The following ADAM12 variants were observed in gnomAD, a reference collection of about 807,000 sequenced individuals.
The protein encoded by ADAM12 is disintegrin and metalloproteinase domain-containing protein 12.
Under a neutral mutation model 106.4 loss-of-function variants are expected in ADAM12, and 70 were observed. That is an observed-to-expected ratio of 0.66 (90% CI 0.54 to 0.80). ADAM12 has a LOEUF of 0.80. ADAM12 is among the 30% of genes least tolerant of loss of function. The pLI is 0.00. For missense variants in ADAM12, 1,010 were observed against 1,171.9 expected, an observed-to-expected ratio of 0.86 and a Z score of 2.02; for synonymous variants, 420 against 433.5, an observed-to-expected ratio of 0.97 and a Z score of 0.39.
Position 126,043,118 on chromosome 10 carries a change from C to A in ADAM12, c.2026G>T (p.Glu676Ter). 1 of 1,614,134 alleles carries A rather than the reference C, an allele frequency of 6.2e-7. No homozygotes were observed. The highest frequency in any genetic ancestry group is 8.5e-7 in the Non-Finnish European group (1 of 1,180,010). The change falls in exon 18 of 23, where the codon GAG becomes TAG. Residue 676 changes from glutamate (E) to a stop codon, truncating the protein, a stop_gained. Coordinates refer to ENST00000448723, the MANE Select transcript of ADAM12 (RefSeq NM_001288973.2). LOFTEE classifies it high-confidence loss of function. This position sits in a 1 kb window ranked among gnomAD's most constrained non-coding sequence, Gnocchi z 4.1. Reference protein sequence around the residue: ...VCNNRKNCHCEAHWAPPFCDK... With the variant: ...VCNNRKNCHC ...CAGAAGGGAGGTGCCCAGTGGGCCT[C>A]GCAGTGGCAGTTCTTCCTGTTGTTG...
intron 3 of ADAM12, among the ~76,000 whole-genome samples, chr10:126,186,082 T>G (rs1404362050): frequency 1.3e-5 from 2 of 152,186 alleles, no homozygotes; most frequent in Non-Finnish European, 2.9e-5. Context: ...GCCTGTCCTG[T>G]GTCCCCAAGG....
At chr10:126,263,858 G>C (rs150611335) in intron 3 of ADAM12, among the ~76,000 whole-genome samples, 1 of 152,074 alleles carries the variant, frequency 6.6e-6, no homozygotes, top group African/African-American at 2.4e-5. Flanking sequence ...GTAATTTATG[G>C]TCCAATATAA....
intron 3 of ADAM12, among the ~76,000 whole-genome samples, chr10:126,225,707 AC>A (rs1958180887): frequency 6.6e-6 from 1 of 152,186 alleles, no homozygotes; most frequent in Non-Finnish European, 1.5e-5. Flanking sequence ...TTCAGCACAA[AC>A]CATGTTCAGC....
chr10:126,087,156 C>G (rs1047322260), intron 11 of ADAM12, among the ~76,000 whole-genome samples: 1 of 152,106 alleles, frequency 6.6e-6, no homozygotes. Flanking sequence ...ATCAGCCTCC[C>G]GAGCTTGACC....
At chr10:126,318,399 T>C in intron 2 of ADAM12, among the ~76,000 whole-genome samples, 1 of 142,654 alleles carries the variant, frequency 7.0e-6, no homozygotes, top group East Asian at 2.2e-4. Context: ...CACTCTGTCA[T>C]ACACAAACAC....
At chr10:126,259,967 G>A (rs1033699545) in intron 3 of ADAM12, among the ~76,000 whole-genome samples, 4 of 152,206 alleles carry the variant, frequency 2.6e-5, no homozygotes, top group African/African-American at 9.7e-5. Flanking sequence ...CAGACCTCTT[G>A]AGTTCCGTCA....
chr10:126,305,774 T>G (rs1288659129), intron 2 of ADAM12, among the ~76,000 whole-genome samples: 1 of 152,038 alleles, frequency 6.6e-6, no homozygotes, highest in Non-Finnish European at 1.5e-5. Context: ...TGATACTGAG[T>G]AGAATTATGA....
At chr10:126,176,270 C>T (rs1458234402) in intron 3 of ADAM12, among the ~76,000 whole-genome samples, 1 of 152,214 alleles carries the variant, frequency 6.6e-6, no homozygotes, top group Non-Finnish European at 1.5e-5. Flanking sequence ...GGTCCTGCGG[C>T]CTTTGGCTCA....
At chr10:126,124,909 A>C (rs1206184024) in intron 5 of ADAM12, among the ~76,000 whole-genome samples, 1 of 150,852 alleles carries the variant, frequency 6.6e-6, no homozygotes, top group Non-Finnish European at 1.5e-5. Flanking sequence ...AAAAAAAAAA[A>C]AAGAAAAAGA....
intron 3 of ADAM12, among the ~76,000 whole-genome samples, chr10:126,213,760 A>G (rs563563606): frequency 3.9e-5 from 6 of 152,370 alleles, no homozygotes; most frequent in Non-Finnish European, 8.8e-5. Flanking sequence ...AGACTGAAGC[A>G]CCAAGCAGGT....
At chr10:126,140,712 T>C (rs142685798) in intron 4 of ADAM12, among the ~76,000 whole-genome samples, 1 of 152,340 alleles carries the variant, frequency 6.6e-6, no homozygotes, top group East Asian at 1.9e-4. Context: ...TGAAATTTAA[T>C]TTTTTTCAAT....
chr10:126,066,333 G>C lies in ADAM12; in HGVS notation c.1413+384C>G, dbSNP rs957496672. On this transcript the variant is annotated intron_variant, in intron 13 of 22. Transcript: ENST00000448723. This position sits in a 1 kb window ranked among gnomAD's most constrained non-coding sequence, Gnocchi z 5.1. ...AGCAGGCAGATGTCCGCGGGATCAAGAAGATGAACCTGGGGGAACCTGAGT... is the reference window on the plus strand; with the variant it reads ...AGCAGGCAGATGTCCGCGGGATCAACAAGATGAACCTGGGGGAACCTGAGT... Among the ~76,000 whole-genome samples, 1 of 152,232 alleles carries C rather than the reference G, an allele frequency of 6.6e-6. No individual in the cohort carries two copies. Among genetic ancestry groups the C allele is most frequent in the African/African-American group, 2.4e-5 (1 of 41,462 alleles).
At chr10:126,046,227 G>C in intron 16 of ADAM12, 95 bp from the exon 17 acceptor site, 1 of 1,185,186 alleles carries the variant, frequency 8.4e-7, no homozygotes, top group South Asian at 1.2e-5. Context: ...GCAAGCAAAA[G>C]AAAGCTTGGA....
intron 21 of ADAM12, among the ~76,000 whole-genome samples, chr10:126,025,262 G>A (rs182551914): frequency 2.6e-4 from 40 of 152,262 alleles, no homozygotes; most frequent in Middle Eastern, 3.4e-3. Flanking sequence ...TGAGCTGAAG[G>A]AGCATGTGGT....
chr10:126,083,777 G>A (rs1955281505), intron 11 of ADAM12, among the ~76,000 whole-genome samples: 1 of 152,198 alleles, frequency 6.6e-6, no homozygotes, highest in African/African-American at 2.4e-5. Context: ...ATGGGAGAGG[G>A]AGCTGGGCCT....
rs780265334 is a variant in ADAM12 at position 126,064,244 on chromosome 10, G to T, written c.1609+562C>A. Among the ~76,000 whole-genome samples the T allele has an allele frequency of 6.6e-6, 1 of 152,142 alleles. No individual in the cohort carries two copies. Among genetic ancestry groups the T allele is most frequent in the Non-Finnish European group, 1.5e-5 (1 of 68,016 alleles). On this transcript the variant is annotated intron_variant, in intron 14 of 22. Transcript: ENST00000448723. This position sits in a 1 kb window ranked among gnomAD's most constrained non-coding sequence, Gnocchi z 4.4. ...GAGAGCCACTCACTGCTGCTCTCAGGCCTTCTGATTACAGACACACTCATG... is the reference window on the plus strand; with the variant it reads ...GAGAGCCACTCACTGCTGCTCTCAGTCCTTCTGATTACAGACACACTCATG...
chr10:126,206,858 G>T (rs980907274), intron 3 of ADAM12, among the ~76,000 whole-genome samples: 2 of 139,092 alleles, frequency 1.4e-5, no homozygotes, highest in East Asian at 4.0e-4. Context: ...GTGTTGTGGG[G>T]GCGGGGGGGA....
chr10:126,120,992 T>TATTATATATTACATATGCAATATAGCA, intron 5 of ADAM12, among the ~76,000 whole-genome samples: 1 of 133,570 alleles, frequency 7.5e-6, no homozygotes, highest in Non-Finnish European at 1.5e-5. Flanking sequence ...ATAGCATATA[T>TATTATATATTACATATGCAATATAGCA]TATATATTAC....
At chr10:126,275,374 G>A (rs1294735430) in intron 3 of ADAM12, among the ~76,000 whole-genome samples, 1 of 152,134 alleles carries the variant, frequency 6.6e-6, no homozygotes, top group African/African-American at 2.4e-5. Context: ...CTTCTCAGGG[G>A]CTATACAAAT....
Sources: gnomAD v4.1 joint callset for allele counts (sites outside exome capture counted in the v4.1 genomes callset) on GRCh38, gnomAD v4.1.1 for gene constraint, Gnocchi (gnomAD v3.1) non-coding constraint, MANE v1.5 for transcripts, NCBI Gene and HGNC (gene_info 2026-07-23, HGNC 2026-07-21) for gene names.